MGAT4C: variants seen among roughly 807,000 people sequenced by gnomAD.
MGAT4C encodes MGAT4 family member C, also known as alpha-1,3-mannosyl-glycoprotein 4-beta-N-acetylglucosaminyltransferase C.
MGAT4C carries 19 observed loss-of-function variants against 40.1 expected under a neutral mutation model. The ratio of observed to expected loss-of-function variants is 0.47; its 90% confidence interval spans 0.33 to 0.70. The LOEUF (loss-of-function observed/expected upper bound fraction) is 0.70. Ranked by LOEUF, MGAT4C falls within the 30% of genes least tolerant of loss-of-function variation. MGAT4C has a pLI of 0.02. For missense variants in MGAT4C, 491 were observed against 563.2 expected, an observed-to-expected ratio of 0.87 and a Z score of 1.30; for synonymous variants, 181 against 187.1, an observed-to-expected ratio of 0.97 and a Z score of 0.27.
chr12:86,303,092 C>A (rs193257690), intron 4 of MGAT4C, among the ~76,000 whole-genome samples: 9 of 150,704 alleles, frequency 6.0e-5, no homozygotes, highest in Admixed American at 5.9e-4. Flanking sequence ...CCTATTTTTA[C>A]AGTATTCTCA....
intron 1 of MGAT4C, among the ~76,000 whole-genome samples, chr12:86,055,116 T>C (rs1422662309): frequency 2.6e-5 from 4 of 152,046 alleles, no homozygotes; most frequent in Admixed American, 2.6e-4. Context: ...AGTAAGTTTT[T>C]GTTGAAAGAT....
rs1371582423 is a variant in MGAT4C, at chr12:85,958,209, C to A, written c.*21080G>T. The A allele has an allele frequency of 6.6e-6, 1 of 152,018 alleles. No individual in the cohort carries two copies. The highest frequency in any genetic ancestry group is 2.4e-5 in the African/African-American group (1 of 41,400). 9.4% of individuals were successfully genotyped at this position (152,018 alleles called of 1,614,324 possible). On this transcript the variant is annotated 3_prime_UTR_variant, in exon 5 of 5. Coordinates refer to ENST00000611864, the MANE Select transcript of MGAT4C (RefSeq NM_001351288.2). ...GCCTCGGCCGCCTGAGTAGCTAGGA[C>A]CACAGGCGTGCTCTACCACACTCAG...
At chr12:86,353,778 A>C (rs1012400151) in intron 3 of MGAT4C, among the ~76,000 whole-genome samples, 1 of 152,114 alleles carries the variant, frequency 6.6e-6, no homozygotes, top group African/African-American at 2.4e-5. Context: ...GTGAGGAAGC[A>C]ATCCCTTTCC....
chr12:86,065,475 T>C lies in MGAT4C; in HGVS notation c.-56-15752A>G, dbSNP rs540035412. On this transcript the variant is annotated intron_variant, in intron 1 of 4. Transcript: ENST00000611864. ...GACAAAAACCACATGATTATCTCAA[T>C]AGATGCAGGAAAGGGCTTTGACAAC... 1.5e-3 allele frequency among the ~76,000 whole-genome samples: 226 copies of C among 152,298 alleles called. 1 individual carries two copies. Among genetic ancestry groups the C allele is most frequent in the African/African-American group, 5.2e-3 (218 of 41,568 alleles).
intron 3 of MGAT4C, among the ~76,000 whole-genome samples, chr12:85,988,593 A>G (rs12371625): frequency 0.2 from 30,124 of 151,914 alleles, 3,684 homozygotes; most frequent in Non-Finnish European, 0.28. Context: ...CATACAAATT[A>G]GGACAGATAT....
At chr12:86,591,748 A>C (rs956481046) in intron 2 of MGAT4C, among the ~76,000 whole-genome samples, 1 of 151,698 alleles carries the variant, frequency 6.6e-6, no homozygotes, top group Admixed American at 6.6e-5. Flanking sequence ...TTATTAATAT[A>C]TTACCTTTTG....
chr12:86,076,230 A>G (rs1187310284), intron 1 of MGAT4C, among the ~76,000 whole-genome samples: 5 of 152,126 alleles, frequency 3.3e-5, no homozygotes, highest in Non-Finnish European at 5.9e-5. Context: ...AAACATAAGA[A>G]GAGTCACCTT....
intron 2 of MGAT4C, among the ~76,000 whole-genome samples, chr12:86,442,771 CAA>C (rs34962466): frequency 1.2e-4 from 16 of 137,820 alleles, no homozygotes; most frequent in Admixed American, 2.2e-4. Context: ...AACTCTGTCT[CAA>C]AAAAAAAAAA....
At chr12:86,207,837 A>G (rs1184710032) in intron 1 of MGAT4C, among the ~76,000 whole-genome samples, 1 of 152,196 alleles carries the variant, frequency 6.6e-6, no homozygotes, top group Non-Finnish European at 1.5e-5. Flanking sequence ...ATTCATCCAA[A>G]TCACTAGAAA....
intron 4 of MGAT4C, among the ~76,000 whole-genome samples, chr12:86,266,948 T>A (rs1167675644): frequency 6.6e-6 from 1 of 152,124 alleles, no homozygotes; most frequent in Non-Finnish European, 1.5e-5. Context: ...TAATATTCTC[T>A]AATGATCTTT....
At chr12:86,631,107 A>G (rs1051703501) in intron 2 of MGAT4C, among the ~76,000 whole-genome samples, 5 of 152,152 alleles carry the variant, frequency 3.3e-5, no homozygotes, top group African/African-American at 9.7e-5. Context: ...TTATACACCA[A>G]CAACAGACAA....
chr12:86,507,990 T>C (rs1376311029), intron 2 of MGAT4C, among the ~76,000 whole-genome samples: 1 of 152,074 alleles, frequency 6.6e-6, no homozygotes, highest in African/African-American at 2.4e-5. Flanking sequence ...TTGTAGACTG[T>C]TTTTGTTAGT....
chr12:86,796,359 A>G (rs1371829706), intron 1 of MGAT4C, among the ~76,000 whole-genome samples: 11 of 152,014 alleles, frequency 7.2e-5, no homozygotes, highest in Admixed American at 6.6e-4. Flanking sequence ...ATGCCCTTGC[A>G]GTGTTTGCCA....
intron 1 of MGAT4C, chr12:86,838,598 T>A (rs1953088385): frequency 6.6e-6 from 1 of 152,194 alleles, no homozygotes; most frequent in Non-Finnish European, 1.5e-5. Flanking sequence ...CAGGTTTGGA[T>A]CCCTAGCTCA....
intron 2 of MGAT4C, among the ~76,000 whole-genome samples, chr12:86,491,723 T>G (rs1353629260): frequency 2.7e-5 from 4 of 150,654 alleles, no homozygotes; most frequent in East Asian, 3.9e-4. Context: ...GCATTCCCTT[T>G]GAAAACTGGC....
At chr12:86,164,851 G>A (rs1015258809) in intron 1 of MGAT4C, among the ~76,000 whole-genome samples, 6 of 152,100 alleles carry the variant, frequency 3.9e-5, no homozygotes, top group Non-Finnish European at 7.4e-5. Flanking sequence ...GAGATTGGAC[G>A]TGAAAAGACC....
chr12:86,324,206 T>C (rs998170450), intron 4 of MGAT4C, among the ~76,000 whole-genome samples: 2 of 151,952 alleles, frequency 1.3e-5, no homozygotes, highest in Admixed American at 1.3e-4. Flanking sequence ...TTTCTTTTAG[T>C]TATCTATCTT....
intron 2 of MGAT4C, among the ~76,000 whole-genome samples, chr12:86,509,343 T>C (rs887388299): frequency 6.6e-6 from 1 of 152,192 alleles, no homozygotes; most frequent in Non-Finnish European, 1.5e-5. Context: ...CTTGTTTTTC[T>C]CAGGTTTGTC....
At chr12:86,212,713 C>A (rs1231828940) in intron 1 of MGAT4C, among the ~76,000 whole-genome samples, 1 of 123,080 alleles carries the variant, frequency 8.1e-6, no homozygotes, top group Non-Finnish European at 1.7e-5. Context: ...ACGGTGAAAC[C>A]CCGTCTCTAC....
Sources: allele counts gnomAD v4.1 joint callset (sites outside exome capture counted in the v4.1 genomes callset), GRCh38; gene constraint gnomAD v4.1.1; transcripts MANE v1.5; gene names NCBI Gene and HGNC (gene_info 2026-07-23, HGNC 2026-07-21).